CALD1: variants seen among roughly 807,000 people sequenced by gnomAD.
CALD1 encodes caldesmon.
In CALD1, 33 loss-of-function variants were observed where a neutral mutation model predicts 99.9. That is an observed-to-expected ratio of 0.33 (90% CI 0.25 to 0.44). CALD1 has a LOEUF of 0.44. CALD1 is among the 20% of genes least tolerant of loss of function. The probability of loss-of-function intolerance (pLI) is 1.00; values close to 1 mark genes in which losing one functional copy is unlikely to be tolerated. For missense variants in CALD1, 861 were observed against 962.1 expected, an observed-to-expected ratio of 0.89 and a Z score of 1.39; for synonymous variants, 310 against 325.0, an observed-to-expected ratio of 0.95 and a Z score of 0.50.
upstream of CALD1, among the ~76,000 whole-genome samples, chr7:134,774,688 G>A (rs2131641604): frequency 6.6e-6 from 1 of 152,304 alleles, no homozygotes. Flanking sequence ...TCCCGATTCT[G>A]AGGCTTGAAT....
At chr7:134,769,949 T>C (rs1012464334) in intron 1 of CALD1, among the ~76,000 whole-genome samples, 1 of 152,190 alleles carries the variant, frequency 6.6e-6, no homozygotes, top group Admixed American at 6.5e-5. Flanking sequence ...ATAGTCTAGA[T>C]TCTAATTCTG....
At chr7:134,907,898 C>T (rs1435539095) in intron 3 of CALD1, among the ~76,000 whole-genome samples, 5 of 152,032 alleles carry the variant, frequency 3.3e-5, no homozygotes, top group Non-Finnish European at 5.9e-5. Context: ...GGGAGTCAGG[C>T]GGTGGATGAT....
At chr7:134,846,286 C>T (rs1799849257) in intron 2 of CALD1, among the ~76,000 whole-genome samples, 1 of 148,820 alleles carries the variant, frequency 6.7e-6, no homozygotes, top group Non-Finnish European at 1.5e-5. Flanking sequence ...GCCTCTTTTG[C>T]CCTGAACTCC....
At chr7:134,905,952 A>T (rs1803350057) in intron 3 of CALD1, among the ~76,000 whole-genome samples, 1 of 130,058 alleles carries the variant, frequency 7.7e-6, no homozygotes, top group African/African-American at 3.1e-5. Context: ...TTTTTGAGAC[A>T]GAGTTTTGCT....
intron 1 of CALD1, among the ~76,000 whole-genome samples, chr7:134,841,037 C>A (rs1172978539): frequency 6.6e-6 from 1 of 152,168 alleles, no homozygotes; most frequent in Admixed American, 6.5e-5. Flanking sequence ...AAAGGGGGAA[C>A]TTGGTTGAAC....
intron 1 of CALD1, among the ~76,000 whole-genome samples, chr7:134,752,778 A>G (rs2131565637): frequency 6.6e-6 from 1 of 152,280 alleles, no homozygotes; most frequent in Admixed American, 6.5e-5. Context: ...AGGCGGGCAG[A>G]TCACCGGAGG....
At chr7:134,847,185 G>GA (rs1377403266) in intron 2 of CALD1, among the ~76,000 whole-genome samples, 1 of 152,196 alleles carries the variant, frequency 6.6e-6, no homozygotes, top group African/African-American at 2.4e-5. Context: ...CAGTATTTTT[G>GA]AAGTCAGTCG....
chr7:134,890,045 A>C (rs565702769), intron 3 of CALD1, among the ~76,000 whole-genome samples: 2 of 152,208 alleles, frequency 1.3e-5, no homozygotes, highest in South Asian at 4.2e-4. Flanking sequence ...AGTAGCTGGG[A>C]CTACAGGCAC....
rs538533843 is a variant in CALD1, at chr7:134,745,836, C to T, written c.-130+1473C>T. On this transcript the variant is annotated intron_variant, in intron 1 of 13. Coordinates refer to the CALD1 transcript ENST00000417172. Reference sequence around the variant, plus strand: ...TTTATAATACAAGGTATGATGTGGCCTTAATAGATAAGCAATTCTTGTTCT... The same window carrying T: ...TTTATAATACAAGGTATGATGTGGCTTTAATAGATAAGCAATTCTTGTTCT... Among the ~76,000 whole-genome samples the T allele has an allele frequency of 8.1e-4, 123 of 152,266 alleles. 1 individual carries two copies. Among genetic ancestry groups the T allele is most frequent in the Admixed American group, 2.8e-3 (43 of 15,302 alleles).
At chr7:134,887,866 GTGTGTCTGTA>G (rs1801952035) in intron 3 of CALD1, among the ~76,000 whole-genome samples, 1 of 151,952 alleles carries the variant, frequency 6.6e-6, no homozygotes, top group Non-Finnish European at 1.5e-5. Context: ...GTGTGTGCAT[GTGTGTCTGTA>G]TGTGTGTGTA....
chr7:134,921,323 G>C (rs1202426644), intron 3 of CALD1, among the ~76,000 whole-genome samples: 1 of 152,140 alleles, frequency 6.6e-6, no homozygotes, highest in Non-Finnish European at 1.5e-5. Flanking sequence ...AAAAGTATAA[G>C]CAATTGTCAT....
intron 3 of CALD1, among the ~76,000 whole-genome samples, chr7:134,897,826 C>T (rs1419278278): frequency 6.6e-6 from 1 of 152,168 alleles, no homozygotes; most frequent in Non-Finnish European, 1.5e-5. Flanking sequence ...CCTGCCTCAG[C>T]CTCCCAAGTA....
the CALD1 span, among the ~76,000 whole-genome samples, chr7:134,737,383 C>T: frequency 6.6e-6 from 1 of 152,154 alleles, no homozygotes; most frequent in Non-Finnish European, 1.5e-5. Context: ...CCCACCTTGG[C>T]TTCCCAAAGT....
At chr7:134,818,690 G>A (rs997944666) in intron 1 of CALD1, among the ~76,000 whole-genome samples, 2 of 152,080 alleles carry the variant, frequency 1.3e-5, no homozygotes, top group Non-Finnish European at 2.9e-5. Context: ...TGAATTTGAT[G>A]GGTCATATTT....
At chr7:134,883,231 GA>G (rs1801689546) in intron 3 of CALD1, among the ~76,000 whole-genome samples, 1 of 152,166 alleles carries the variant, frequency 6.6e-6, no homozygotes, top group Non-Finnish European at 1.5e-5. Flanking sequence ...GAAAGACTCT[GA>G]ATTCTAAAAT....
intron 7 of CALD1, among the ~76,000 whole-genome samples, chr7:134,943,776 A>T (rs114411533): frequency 6.6e-6 from 1 of 152,248 alleles, no homozygotes; most frequent in Non-Finnish European, 1.5e-5. Context: ...ACACGTGTGT[A>T]TATTTATATG....
chr7:134,939,870 G>A (rs901006829), intron 6 of CALD1, among the ~76,000 whole-genome samples: 8 of 152,118 alleles, frequency 5.3e-5, no homozygotes, highest in East Asian at 3.9e-4. Flanking sequence ...ATGCTAAGGC[G>A]GGAGAATCCC....
chr7:134,967,369 T>C (rs928423111), intron 14 of CALD1, among the ~76,000 whole-genome samples: 1 of 152,204 alleles, frequency 6.6e-6, no homozygotes, highest in Non-Finnish European at 1.5e-5. Flanking sequence ...ACTCATTTCT[T>C]GTTACTCAGT....
intron 3 of CALD1, among the ~76,000 whole-genome samples, chr7:134,923,078 A>G (rs977544001): frequency 1.3e-5 from 2 of 152,240 alleles, no homozygotes; most frequent in Non-Finnish European, 2.9e-5. Context: ...TTTATTCGTC[A>G]GTGTGAACAC....
Sources: allele counts gnomAD v4.1 joint callset (sites outside exome capture counted in the v4.1 genomes callset), GRCh38; gene constraint gnomAD v4.1.1; transcripts MANE v1.5; gene names NCBI Gene and HGNC (gene_info 2026-07-23, HGNC 2026-07-21).